SYNE2: variants seen among roughly 807,000 people sequenced by gnomAD.
The protein encoded by SYNE2 is spectrin repeat containing nuclear envelope protein 2, also known as nesprin-2.
In SYNE2, 431 loss-of-function variants were observed where a neutral mutation model predicts 856.3. That is an observed-to-expected ratio of 0.50 (90% CI 0.47 to 0.55). The LOEUF (loss-of-function observed/expected upper bound fraction) is 0.55. SYNE2 is among the 20% of genes least tolerant of loss of function. The probability of loss-of-function intolerance (pLI) is 0.00; values close to 1 mark genes in which losing one functional copy is unlikely to be tolerated. For synonymous variants in SYNE2, 2,923 were observed against 2,872.3 expected (o/e 1.02, Z -0.56); for missense variants, 8,129 against 8,023.2 (o/e 1.01, Z -0.50).
At chr14:63,870,060 C>T (rs1896482783) in intron 1 of SYNE2, among the ~76,000 whole-genome samples, 1 of 152,166 alleles carries the variant, frequency 6.6e-6, no homozygotes, top group Non-Finnish European at 1.5e-5. Flanking sequence ...AAACACAGCT[C>T]ACACCAAACA....
At position 64,070,798 on chromosome 14, in the gene SYNE2, A is replaced by C. The variant is rs1386696882; in HGVS notation, c.10585A>C (p.Thr3529Pro). The change falls in exon 52 of 116, where the codon ACT (threonine) becomes CCT (proline). Residue 3529 changes from threonine (T) to proline (P), a missense_variant. By Grantham distance (38) the Thr-to-Pro change is conservative (BLOSUM62 -1). Coordinates refer to ENST00000555002, the MANE Select transcript of SYNE2 (RefSeq NM_182914.3). ...ENVEKQQLLLTLLLQRIRSIQ... is the reference protein window; with the variant it reads ...ENVEKQQLLLPLLLQRIRSIQ... The stretch of plus-strand genomic sequence containing the variant: ...CGTGGAGAAGCAACAGCTGTTACTG[A>C]CTCTACTTCTTCAGCGCATCAGAAG... 2 of 1,614,018 alleles carry C rather than the reference A, an allele frequency of 1.2e-6. No individual in the cohort carries two copies. Among genetic ancestry groups the C allele is most frequent in the Admixed American group, 1.7e-5 (1 of 59,996 alleles).
intron 110 of SYNE2, 110 bp downstream of exon 110, chr14:64,219,520 T>C: frequency 9.5e-7 from 1 of 1,056,292 alleles, no homozygotes. Flanking sequence ...AGCTTGCAGA[T>C]GGTGTATGTA....
At chr14:64,037,934 G>A (rs1303451616) in intron 45 of SYNE2, among the ~76,000 whole-genome samples, 3 of 151,462 alleles carry the variant, frequency 2.0e-5, no homozygotes, top group South Asian at 2.1e-4. Flanking sequence ...CTGGCCGGGC[G>A]GGGGGCTGAC....
intron 1 of SYNE2, among the ~76,000 whole-genome samples, chr14:63,763,477 A>G (rs11622195): frequency 0.48 from 72,367 of 151,858 alleles, 21,374 homozygotes; most frequent in Non-Finnish European, 0.64. Flanking sequence ...TGGAAAGCCA[A>G]GGCAGGAGGA....
chr14:63,780,417 C>T (rs1887265884), intron 1 of SYNE2, among the ~76,000 whole-genome samples: 1 of 152,118 alleles, frequency 6.6e-6, no homozygotes, highest in Admixed American at 6.6e-5. Context: ...GCCTGTAATC[C>T]CAGCTGCTTG....
Position 63,830,136 on chromosome 14 carries a change from A to G in SYNE2, c.-304-22365A>G, listed in dbSNP as rs535133576. On this transcript the variant is annotated intron_variant, in intron 1 of 23. Coordinates refer to the SYNE2 transcript ENST00000674003. ...AAGCCAGTCACAAAGGACCATCCAT[A>G]TATTATATCATTCCATTTATATGCA... Among the ~76,000 whole-genome samples, 9 of 152,244 alleles carry G rather than the reference A, an allele frequency of 5.9e-5. No individual in the cohort carries two copies. In the South Asian group the frequency reaches 1.9e-3, roughly 32 times the overall value.
chr14:63,906,052 T>C (rs2095406220), intron 1 of SYNE2, among the ~76,000 whole-genome samples: 1 of 152,200 alleles, frequency 6.6e-6, no homozygotes, highest in African/African-American at 2.4e-5. Context: ...TCTGTGTCTA[T>C]TGAGATGACA....
chr14:64,152,994 C>T (rs2098256402), intron 85 of SYNE2, among the ~76,000 whole-genome samples: 1 of 152,218 alleles, frequency 6.6e-6, no homozygotes, highest in African/African-American at 2.4e-5. Flanking sequence ...TAAATATCTC[C>T]ATACCCCAAA....
chr14:64,190,043 A>G (rs948157214), intron 98 of SYNE2, 28 bp from the exon 99 acceptor site: 1 of 1,612,854 alleles, frequency 6.2e-7, no homozygotes, highest in South Asian at 1.1e-5. Context: ...CTAATTAGCC[A>G]GGCTTTATGT....
intron 108 of SYNE2, among the ~76,000 whole-genome samples, chr14:64,217,762 T>G (rs991043298): frequency 6.6e-6 from 1 of 152,150 alleles, no homozygotes; most frequent in African/African-American, 2.4e-5. Context: ...ATTATTTTCA[T>G]TCTGCACAAA....
At chr14:63,828,028 CAA>C (rs71120298) in intron 1 of SYNE2, among the ~76,000 whole-genome samples, 56 of 98,310 alleles carry the variant, frequency 5.7e-4, no homozygotes, top group South Asian at 3.2e-3. Flanking sequence ...CTTCGTCTTT[CAA>C]AAAAAAAAAA....
At chr14:64,225,066 C>G (rs980156326) in intron 115 of SYNE2, 21 bp downstream of exon 115, 2 of 1,613,378 alleles carry the variant, frequency 1.2e-6, no homozygotes, top group African/African-American at 1.3e-5. Context: ...TTTACCGTGA[C>G]AGCAGTGCGT....
chr14:64,024,642 T>G (rs755048957), intron 39 of SYNE2, among the ~76,000 whole-genome samples, 183 bp downstream of exon 39: 10 of 152,360 alleles, frequency 6.6e-5, no homozygotes, highest in Admixed American at 4.6e-4. Context: ...TCACATTGTC[T>G]AATGTAGCAA....
intron 1 of SYNE2, among the ~76,000 whole-genome samples, chr14:63,829,991 T>G (rs1387880921): frequency 3.9e-5 from 6 of 152,184 alleles, no homozygotes; most frequent in Non-Finnish European, 8.8e-5. Flanking sequence ...TGGAATGTTA[T>G]TTGAAATATA....
At chr14:64,054,751 T>G (rs992651550) in intron 48 of SYNE2, among the ~76,000 whole-genome samples, 1 of 152,204 alleles carries the variant, frequency 6.6e-6, no homozygotes, top group Non-Finnish European at 1.5e-5. Context: ...TAGGCATCAT[T>G]GAAATTCACG....
chr14:64,003,216 T>G lies in SYNE2; in HGVS notation c.4283T>G (p.Leu1428Ter). 6.2e-7 allele frequency: 1 copy of G among 1,613,880 alleles called. No individual in the cohort carries two copies. Among genetic ancestry groups the G allele is most frequent in the Non-Finnish European group, 8.5e-7 (1 of 1,179,910 alleles). ...VQEEFTEENK[L>*]LEACIFKNNE... ...GAGGAATTCACTGAGGAAAACAAAT[T>G]ACTAGAGGCTTGTATTTTCAAAAAT... Residue 1428 changes from leucine to a stop codon, truncating the protein, a stop_gained, in exon 30 of 116, where the codon TTA becomes TGA. Coordinates refer to ENST00000555002, the MANE Select transcript of SYNE2 (RefSeq NM_182914.3). LOFTEE classifies it high-confidence loss of function.
At chr14:63,778,041 A>G (rs1416240745) in intron 1 of SYNE2, among the ~76,000 whole-genome samples, 1 of 152,166 alleles carries the variant, frequency 6.6e-6, no homozygotes, top group Non-Finnish European at 1.5e-5. Context: ...ATATGATATG[A>G]TATGGTTAGG....
At chr14:64,080,412 C>T in intron 55 of SYNE2, 44 bp from the exon 56 acceptor site, 1 of 1,601,314 alleles carries the variant, frequency 6.2e-7, no homozygotes, top group Non-Finnish European at 8.6e-7. Flanking sequence ...CCTCCATAAA[C>T]TATGACCTCT....
chr14:63,812,547 T>A (rs1472532692), intron 1 of SYNE2, among the ~76,000 whole-genome samples: 1 of 152,192 alleles, frequency 6.6e-6, no homozygotes, highest in Non-Finnish European at 1.5e-5. Flanking sequence ...CATAAGAAAT[T>A]ATAAAAATAT....
Sources: gnomAD v4.1 joint callset for allele counts (sites outside exome capture counted in the v4.1 genomes callset) on GRCh38, gnomAD v4.1.1 for gene constraint, MANE v1.5 for transcripts, NCBI Gene and HGNC (gene_info 2026-07-23, HGNC 2026-07-21) for gene names.